Variants in CEP63 observed in about 807,000 individuals in gnomAD.
The protein encoded by CEP63 is centrosomal protein 63.
CEP63 carries 84 observed loss-of-function variants against 89.1 expected under a neutral mutation model. The observed-to-expected ratio is 0.94, with a 90% CI of 0.79 to 1.13. The LOEUF (loss-of-function observed/expected upper bound fraction) is 1.13, where lower values mean the gene tolerates loss of function less well. CEP63 is among the 50% of genes most tolerant of loss of function. CEP63 has a pLI of 0.00. For synonymous variants in CEP63, 267 were observed against 272.5 expected, an observed-to-expected ratio of 0.98 and a Z score of 0.20; for missense variants, 838 against 813.3, an observed-to-expected ratio of 1.03 and a Z score of -0.37.
rs1459336790 is a variant in CEP63 at position 134,582,127 on chromosome 3, G to GA, written c.1207-5331_1207-5330insA. On this transcript the variant is annotated intron_variant, in intron 10 of 10. Coordinates refer to the CEP63 transcript ENST00000683931. ...TATGCCACTAATAATATAGCCTCAG[G>GA]GAAAAAAACTGGCAGAAATAGAAGG... is the stretch of plus-strand genomic sequence containing the variant. Among the ~76,000 whole-genome samples the GA allele has an allele frequency of 2.4e-4, 21 of 86,184 alleles. 1 individual carries two copies. The South Asian group carries it at 8.3e-3, about 34-fold the overall frequency. The allele number at this position is 86,184 out of a possible 152,430, so 56.5% of individuals were successfully genotyped here. A position where few individuals can be genotyped will look rare whatever the true frequency, so the allele number is the denominator to read the frequency against.
chr3:134,773,494 A>G, the CEP63 span, among the ~76,000 whole-genome samples: 2 of 152,108 alleles, frequency 1.3e-5, no homozygotes, highest in African/African-American at 2.4e-5. Flanking sequence ...AGTGAGGAAA[A>G]ATTCAAGTGC....
At chr3:134,664,215 T>C in the CEP63 span, among the ~76,000 whole-genome samples, 4 of 152,188 alleles carry the variant, frequency 2.6e-5, no homozygotes, top group African/African-American at 7.2e-5. Context: ...AAAAAGGCCG[T>C]CTAGGAACCA....
Position 134,561,955 on chromosome 3 carries a change from T to G in CEP63, c.*420T>G. On this transcript the variant is annotated 3_prime_UTR_variant, in exon 15 of 15. Coordinates refer to ENST00000675561, the MANE Select transcript of CEP63 (RefSeq NM_001353108.3). ...TAGGGGTCAAACATACCTGGATCGA[T>G]AGACTGGTTTTGCCACTTACCAGCC... is the stretch of plus-strand genomic sequence containing the variant. 2 of 1,020,708 alleles carry G rather than the reference T, an allele frequency of 2.0e-6. No homozygotes were observed. Among genetic ancestry groups the G allele is most frequent in the African/African-American group, 3.5e-5 (2 of 57,648 alleles). The allele number at this position is 1,020,708 out of a possible 1,614,324, so 63.2% of individuals were successfully genotyped here. A position where few individuals can be genotyped will look rare whatever the true frequency, so the allele number is the denominator to read the frequency against.
At chr3:134,534,768 T>A (rs1375867472) in intron 5 of CEP63, among the ~76,000 whole-genome samples, 2 of 152,204 alleles carry the variant, frequency 1.3e-5, no homozygotes, top group South Asian at 4.1e-4. Flanking sequence ...GTCCTAATGC[T>A]ACCTGGAATC....
At chr3:134,497,124 T>G (rs745425605) in intron 2 of CEP63, among the ~76,000 whole-genome samples, 1 of 152,148 alleles carries the variant, frequency 6.6e-6, no homozygotes, top group Non-Finnish European at 1.5e-5. Context: ...GGGTTTTTTG[T>G]TTTTTTGCTG....
At chr3:134,596,893 A>G in the CEP63 span, among the ~76,000 whole-genome samples, 3 of 152,142 alleles carry the variant, frequency 2.0e-5, no homozygotes, top group African/African-American at 7.2e-5. Flanking sequence ...CAGTGGGAGG[A>G]CTAGGAAGGT....
the CEP63 span, among the ~76,000 whole-genome samples, chr3:134,730,958 G>T: frequency 6.6e-6 from 1 of 152,040 alleles, no homozygotes; most frequent in African/African-American, 2.4e-5. Flanking sequence ...AAAGATATTT[G>T]CCAGGTAAAA....
rs1953288507 is a variant in CEP63 at position 134,546,239 on chromosome 3, C to T, written c.880C>T (p.Gln294Ter). ...HEARIQKEKL[Q>*]EKVKATNTQH... ...GGCCAGAATACAAAAGGAGAAGTTA[C>T]AAGAAAAAGTAAAGGCAACTAACAC... The change falls in exon 8 of 15, where the codon CAA (glutamine) becomes TAA (stop). Residue 294 changes from glutamine to a stop codon, truncating the protein, a stop_gained. Transcript: ENST00000675561. LOFTEE classifies it high-confidence loss of function. 6.2e-7 allele frequency: 1 copy of T among 1,613,524 alleles called. No homozygotes were observed. Among genetic ancestry groups the T allele is most frequent in the African/African-American group, 1.3e-5 (1 of 74,862 alleles).
the CEP63 span, among the ~76,000 whole-genome samples, chr3:134,698,340 A>C: frequency 1.3e-5 from 2 of 152,228 alleles, no homozygotes; most frequent in African/African-American, 4.8e-5. Context: ...GCAGCACTTC[A>C]GTAGAGCCAG....
chr3:134,678,270 C>T, the CEP63 span, among the ~76,000 whole-genome samples: 8 of 152,224 alleles, frequency 5.3e-5, no homozygotes, highest in Non-Finnish European at 8.8e-5. Flanking sequence ...TAAGACTGGG[C>T]CAGGTGACAA....
the CEP63 span, among the ~76,000 whole-genome samples, chr3:134,697,101 T>A: frequency 8.5e-4 from 129 of 152,254 alleles, no homozygotes; most frequent in African/African-American, 2.9e-3. Flanking sequence ...CCAACTCCCT[T>A]GAGGAATTAT....
chr3:134,669,469 G>A, the CEP63 span, among the ~76,000 whole-genome samples: 28 of 152,284 alleles, frequency 1.8e-4, no homozygotes, highest in South Asian at 6.2e-4. Flanking sequence ...GTAATGAGGA[G>A]GGGGGTCTTG....
At chr3:134,487,119 T>C (rs1218670235) in intron 1 of CEP63, among the ~76,000 whole-genome samples, 1 of 152,218 alleles carries the variant, frequency 6.6e-6, no homozygotes, top group African/African-American at 2.4e-5. Context: ...TATTGTAGGG[T>C]AGATGCCCTG....
the CEP63 span, among the ~76,000 whole-genome samples, chr3:134,717,103 G>C: frequency 2.0e-5 from 3 of 152,210 alleles, no homozygotes; most frequent in Non-Finnish European, 4.4e-5. Context: ...GGTCCAATGA[G>C]ATGCTTCTTT....
chr3:134,583,222 G>A (rs1185449137), intron 10 of CEP63, among the ~76,000 whole-genome samples: 1 of 152,142 alleles, frequency 6.6e-6, no homozygotes, highest in African/African-American at 2.4e-5. Flanking sequence ...TGTTGCCATT[G>A]TTTTTGGTGT....
the CEP63 span, among the ~76,000 whole-genome samples, chr3:134,747,883 T>G: frequency 6.6e-6 from 1 of 152,176 alleles, no homozygotes; most frequent in Non-Finnish European, 1.5e-5. Context: ...CCTCTCGGGT[T>G]GAAGCGATTC....
At chr3:134,598,150 A>G in the CEP63 span, among the ~76,000 whole-genome samples, 3 of 152,334 alleles carry the variant, frequency 2.0e-5, no homozygotes, top group South Asian at 4.1e-4. Flanking sequence ...GAAACACAAT[A>G]CATTTCTTTC....
downstream of CEP63, among the ~76,000 whole-genome samples, chr3:134,575,598 T>G: frequency 7.1e-6 from 1 of 140,388 alleles, no homozygotes; most frequent in Non-Finnish European, 1.6e-5. Context: ...CCTCCCTTTC[T>G]TCCTTTCTTT....
chr3:134,560,676 A>G (rs944820222), intron 14 of CEP63, among the ~76,000 whole-genome samples: 2 of 152,018 alleles, frequency 1.3e-5, no homozygotes, highest in African/African-American at 2.4e-5. Flanking sequence ...AAAATACAGA[A>G]TCTACCAGAA....
Sources: allele counts gnomAD v4.1 joint callset (sites outside exome capture counted in the v4.1 genomes callset), GRCh38; gene constraint gnomAD v4.1.1; transcripts MANE v1.5; gene names NCBI Gene and HGNC (gene_info 2026-07-23, HGNC 2026-07-21).